The following ZNF492 variants were observed in gnomAD, a reference collection of about 807,000 sequenced individuals.
The protein encoded by ZNF492 is zinc finger protein 115 (Y20).
A neutral mutation model predicts 6.4 loss-of-function variants in ZNF492; 3 were observed. The observed-to-expected ratio is 0.47, with a 90% CI of 0.21 to 1.22. ZNF492 has a LOEUF of 1.22. Among genes scored for constraint, ZNF492 ranks in the 50% most tolerant of loss-of-function variants. The pLI, the probability that ZNF492 is intolerant of heterozygous loss-of-function variation, is 0.22. For missense variants in ZNF492, 356 were observed against 612.5 expected, an observed-to-expected ratio of 0.58 and a Z score of 4.42; for synonymous variants, 112 against 205.3, an observed-to-expected ratio of 0.55 and a Z score of 3.89.
rs1206369344 is a variant in ZNF492, at chr19:22,666,187, T to G, written c.*922T>G. The G allele has an allele frequency of 3.4e-5, 5 of 146,016 alleles. No homozygotes were observed. The highest frequency in any genetic ancestry group is 2.1e-4 in the Admixed American group (3 of 14,568). The allele number at this position is 146,016 out of a possible 1,614,324, so 9.0% of individuals were successfully genotyped here. A position where few individuals can be genotyped will look rare whatever the true frequency, so the allele number is the denominator to read the frequency against. On this transcript the variant is annotated 3_prime_UTR_variant, in exon 4 of 4. Transcript: ENST00000456783. ...GGAAATTAGTTTTTCTTTTTCTTCT[T>G]CTTTTTTTTTTTTTTTTTAGATGGA...
chr19:22,634,797 T>G (rs1036229341), intron 1 of ZNF492, among the ~76,000 whole-genome samples: 3 of 152,200 alleles, frequency 2.0e-5, no homozygotes, highest in Admixed American at 6.5e-5. Context: ...GGGAGAATCC[T>G]GACTCGGGGT....
chr19:22,641,768 A>G (rs575365326), intron 1 of ZNF492, among the ~76,000 whole-genome samples: 1 of 152,076 alleles, frequency 6.6e-6, no homozygotes, highest in Non-Finnish European at 1.5e-5. Context: ...TGATTTATTT[A>G]TGTGCCCCCA....
chr19:22,665,412 C>G lies in ZNF492; in HGVS notation c.*147C>G. On this transcript the variant is annotated 3_prime_UTR_variant, in exon 4 of 4. Transcript: ENST00000456783. ...CTCAAACCTTATTGCACAGGAAAGC[C>G]TTTATACTTGAGAACAAATGTACAA... is the stretch of plus-strand genomic sequence containing the variant. The G allele has an allele frequency of 7.0e-7, 1 of 1,429,860 alleles. No individual in the cohort carries two copies. Among genetic ancestry groups the G allele is most frequent in the Non-Finnish European group, 9.2e-7 (1 of 1,082,760 alleles). The allele number at this position is 1,429,860 out of a possible 1,614,324, so 88.6% of individuals were successfully genotyped here.
chr19:22,665,521 A>G lies in ZNF492; in HGVS notation c.*256A>G, dbSNP rs1203621145. On this transcript the variant is annotated 3_prime_UTR_variant, in exon 4 of 4. Coordinates refer to ENST00000456783, the MANE Select transcript of ZNF492 (RefSeq NM_020855.3). ...TTATATTAATAGCATTAAAAGTGCAATTACTGTCAAAAGAGTTCAAAAAAT... is the reference window on the plus strand; with the variant it reads ...TTATATTAATAGCATTAAAAGTGCAGTTACTGTCAAAAGAGTTCAAAAAAT... 1.5e-5 allele frequency: 10 copies of G among 651,118 alleles called. No individual in the cohort carries two copies. Among genetic ancestry groups the G allele is most frequent in the Non-Finnish European group, 2.3e-5 (10 of 431,270 alleles). 40.3% of individuals were successfully genotyped at this position (651,118 alleles called of 1,614,324 possible). A position where few individuals can be genotyped will look rare whatever the true frequency, so the allele number is the denominator to read the frequency against.
intron 1 of ZNF492, among the ~76,000 whole-genome samples, chr19:22,647,812 C>T (rs893871828): frequency 1.4e-5 from 2 of 144,980 alleles, no homozygotes; most frequent in African/African-American, 5.4e-5. Context: ...TTACTGCAAC[C>T]TCCGCCTCCT....
chr19:22,653,639 C>G (rs1053755065), intron 2 of ZNF492, among the ~76,000 whole-genome samples: 1 of 151,994 alleles, frequency 6.6e-6, no homozygotes, highest in Non-Finnish European at 1.5e-5. Flanking sequence ...GTTCTTCACT[C>G]TAGATTAGTG....
At chr19:22,642,329 C>T (rs914951807) in intron 1 of ZNF492, among the ~76,000 whole-genome samples, 19 of 149,376 alleles carry the variant, frequency 1.3e-4, no homozygotes, top group African/African-American at 4.4e-4. Context: ...AGGTATTTTT[C>T]TCTGCTTTTT....
chr19:22,664,657 A>G lies in ZNF492; in HGVS notation c.988A>G (p.Ile330Val). 6.2e-7 allele frequency: 1 copy of G among 1,612,628 alleles called. No individual in the cohort carries two copies. The highest frequency in any genetic ancestry group is 8.5e-7 in the Non-Finnish European group (1 of 1,179,070). Reference protein sequence around the residue: ...QLSHLTTHKRIHSGEKPYKCE... With the variant: ...QLSHLTTHKRVHSGEKPYKCE... ...ATCCCACCTTACTACACATAAGAGAATTCATTCTGGAGAGAAACCCTACAA... is the reference window on the plus strand; with the variant it reads ...ATCCCACCTTACTACACATAAGAGAGTTCATTCTGGAGAGAAACCCTACAA... The change falls in exon 4 of 4, where the codon ATT becomes GTT. Residue 330 changes from isoleucine (I) to valine (V), a missense_variant. Physicochemically the swap from Ile to Val is conservative, Grantham distance 29. Coordinates refer to ENST00000456783, the MANE Select transcript of ZNF492 (RefSeq NM_020855.3).
intron 1 of ZNF492, among the ~76,000 whole-genome samples, chr19:22,647,330 C>G (rs1971890064): frequency 6.7e-6 from 1 of 149,104 alleles, no homozygotes; most frequent in South Asian, 2.1e-4. Context: ...AGTCCTGGCT[C>G]ACTGCAACCT....
chr19:22,660,429 T>G (rs62118820), intron 3 of ZNF492, among the ~76,000 whole-genome samples: 27,685 of 149,166 alleles, frequency 0.19, 3,388 homozygotes, highest in African/African-American at 0.35. Flanking sequence ...TTTTTTTTGG[T>G]GGCACCTTGG....
intron 3 of ZNF492, among the ~76,000 whole-genome samples, chr19:22,662,098 G>T (rs539838569): frequency 6.6e-6 from 1 of 152,048 alleles, no homozygotes; most frequent in East Asian, 1.9e-4. Context: ...CTCATACCCC[G>T]ACAGGCCCTG....
chr19:22,646,966 C>T (rs551488415), intron 1 of ZNF492, among the ~76,000 whole-genome samples: 38 of 152,094 alleles, frequency 2.5e-4, no homozygotes, highest in South Asian at 4.2e-4. Context: ...CTCGGCTCAC[C>T]GCAACCTCCG....
chr19:22,659,392 A>G (rs1972031310), intron 3 of ZNF492, among the ~76,000 whole-genome samples: 1 of 151,750 alleles, frequency 6.6e-6, no homozygotes, highest in Admixed American at 6.6e-5. Flanking sequence ...TGTTAGAAAT[A>G]ATTGTCTTAC....
chr19:22,653,821 A>G, intron 2 of ZNF492, 99 bp from the exon 3 acceptor site: 3 of 1,299,066 alleles, frequency 2.3e-6, no homozygotes, highest in Non-Finnish European at 3.1e-6. Context: ...TTTGGAATCA[A>G]TTTACTAGAA....
At chr19:22,637,452 C>T (rs577043925) in intron 1 of ZNF492, among the ~76,000 whole-genome samples, 400 of 152,112 alleles carry the variant, frequency 2.6e-3, no homozygotes, top group African/African-American at 8.0e-3. Context: ...ACCACCAGGC[C>T]TGGCTAATTT....
rs1972088649 is a variant in ZNF492, at chr19:22,664,019, A to G, written c.350A>G (p.Lys117Arg). 4 of 1,608,532 alleles carry G rather than the reference A, an allele frequency of 2.5e-6. No individual in the cohort carries two copies. Among genetic ancestry groups the G allele is most frequent in the Middle Eastern group, 1.6e-4 (1 of 6,076 alleles). The change falls in exon 4 of 4, where the codon AAA becomes AGA. Residue 117 changes from lysine (K) to arginine (R), a missense_variant. This residue lies in a region of ZNF492 where 196 missense variants were observed against 219.4 expected (regional missense o/e 0.89). Coordinates refer to ENST00000456783, the MANE Select transcript of ZNF492 (RefSeq NM_020855.3). ...CAGAACAAAATATTTCAATGTGACA[A>G]ATATGTGAAAGTCTTTCATAAATTT... Reference protein sequence around the residue: ...TTQNKIFQCDKYVKVFHKFSN... With the variant: ...TTQNKIFQCDRYVKVFHKFSN...
intron 1 of ZNF492, among the ~76,000 whole-genome samples, chr19:22,640,111 T>G (rs1971811289): frequency 6.6e-6 from 1 of 152,176 alleles, no homozygotes; most frequent in Admixed American, 6.5e-5. Flanking sequence ...ACTTTTGTGC[T>G]TTCTGTCTTC....
intron 1 of ZNF492, among the ~76,000 whole-genome samples, chr19:22,651,407 TGAA>T (rs1971938653): frequency 6.6e-6 from 1 of 152,120 alleles, no homozygotes; most frequent in Non-Finnish European, 1.5e-5. Flanking sequence ...ATGTCTCAGA[TGAA>T]GAACTGTGTC....
Position 22,667,613 on chromosome 19 carries a change from A to G in ZNF492, c.*2348A>G, listed in dbSNP as rs1343394005. The G allele has an allele frequency of 3.3e-5, 5 of 151,998 alleles. No individual in the cohort carries two copies. The highest frequency in any genetic ancestry group is 2.1e-4 in the South Asian group (1 of 4,830). 9.4% of individuals were successfully genotyped at this position (151,998 alleles called of 1,614,324 possible). A position where few individuals can be genotyped will look rare whatever the true frequency, so the allele number is the denominator to read the frequency against. On this transcript the variant is annotated 3_prime_UTR_variant, in exon 4 of 4. Coordinates refer to ENST00000456783, the MANE Select transcript of ZNF492 (RefSeq NM_020855.3). ...GGGTTATTTTTATAATAAAAATTAT[A>G]TACAAGTATAAAATTTACACATTTC...
Sources: allele counts gnomAD v4.1 joint callset (sites outside exome capture counted in the v4.1 genomes callset), GRCh38; gene constraint gnomAD v4.1.1; regional missense constraint gnomAD v4.1.1; transcripts MANE v1.5; gene names NCBI Gene and HGNC (gene_info 2026-07-23, HGNC 2026-07-21).